Variants in PDS5B observed in about 807,000 individuals in gnomAD.
The protein encoded by PDS5B is sister chromatid cohesion protein PDS5 homolog B.
Under a neutral mutation model 184.1 loss-of-function variants are expected in PDS5B, and 51 were observed. The observed-to-expected ratio is 0.28, with a 90% CI of 0.22 to 0.35. The LOEUF is 0.35. Among genes scored for constraint, PDS5B ranks in the 10% least tolerant of loss-of-function variants. The probability of loss-of-function intolerance (pLI) is 1.00; values close to 1 mark genes in which losing one functional copy is unlikely to be tolerated. For synonymous variants in PDS5B, 566 were observed against 569.2 expected (o/e 0.99, Z 0.08); for missense variants, 1,180 against 1,723.3 (o/e 0.68, Z 5.58).
intron 1 of PDS5B, among the ~76,000 whole-genome samples, chr13:32,630,273 G>A (rs1439350750): frequency 1.3e-5 from 2 of 152,286 alleles, no homozygotes; most frequent in African/African-American, 2.4e-5. Context: ...TTCCTATGTG[G>A]AATCTGAGTG....
chr13:32,731,977 G>T, intron 19 of PDS5B, 124 bp from the exon 20 acceptor site: 1 of 689,200 alleles, frequency 1.5e-6, no homozygotes. Flanking sequence ...GTGAGTTTGA[G>T]TAAATCTTGG....
At chr13:32,594,834 G>A (rs910305029) in intron 1 of PDS5B, among the ~76,000 whole-genome samples, 5 of 152,158 alleles carry the variant, frequency 3.3e-5, no homozygotes, top group Non-Finnish European at 5.9e-5. Context: ...AGAGCCTGAT[G>A]TCTGTATGAA....
intron 2 of PDS5B, chr13:32,649,139 A>G: frequency 3.0e-6 from 1 of 336,222 alleles, no homozygotes; most frequent in Non-Finnish European, 5.4e-6. Flanking sequence ...AGTCTACAAT[A>G]CTCATATTCC....
intron 1 of PDS5B, among the ~76,000 whole-genome samples, chr13:32,610,812 T>G (rs1412552901): frequency 6.6e-6 from 1 of 152,148 alleles, no homozygotes; most frequent in South Asian, 2.1e-4. Flanking sequence ...GAGTTCTTGG[T>G]GAGGATGAAA....
chr13:32,649,519 G>C (rs1950314912), intron 2 of PDS5B: 1 of 152,102 alleles, frequency 6.6e-6, no homozygotes, highest in Non-Finnish European at 1.5e-5. Flanking sequence ...CTTTATTTTT[G>C]AGCATTTCCG....
intron 34 of PDS5B, among the ~76,000 whole-genome samples, chr13:32,774,263 G>C (rs765903947): frequency 2.6e-5 from 4 of 152,166 alleles, no homozygotes; most frequent in African/African-American, 4.8e-5. Context: ...GGTCTCTGCT[G>C]TTCTGTCCTG....
intron 1 of PDS5B, among the ~76,000 whole-genome samples, chr13:32,588,426 T>C (rs2057724690): frequency 6.6e-6 from 1 of 152,260 alleles, no homozygotes; most frequent in Non-Finnish European, 1.5e-5. Flanking sequence ...TTAGACTTTA[T>C]AAAAATTACC....
intron 6 of PDS5B, among the ~76,000 whole-genome samples, chr13:32,665,588 C>CAAAA (rs34604938): frequency 0.06 from 1,557 of 25,852 alleles, 330 homozygotes; most frequent in Middle Eastern, 0.091. Flanking sequence ...GACTCCGACT[C>CAAAA]AAAAAAAAAA....
intron 21 of PDS5B, among the ~76,000 whole-genome samples, chr13:32,737,063 C>G (rs1050672011): frequency 6.6e-6 from 1 of 152,114 alleles, no homozygotes; most frequent in Non-Finnish European, 1.5e-5. Flanking sequence ...TCATCTTGAT[C>G]TCTTGTAACT....
At chr13:32,675,687 A>G (rs1161880846) in intron 8 of PDS5B, among the ~76,000 whole-genome samples, 157 bp from the exon 9 acceptor site, 2 of 152,208 alleles carry the variant, frequency 1.3e-5, no homozygotes, top group East Asian at 1.9e-4. Flanking sequence ...TAATTTTGTG[A>G]AAAGTATAGT....
At chr13:32,735,047 A>G (rs1326290452) in intron 20 of PDS5B, 125 bp from the exon 21 acceptor site, 7 of 542,024 alleles carry the variant, frequency 1.3e-5, no homozygotes, top group African/African-American at 2.0e-5. Context: ...AAATTTTTGT[A>G]GTTTTTATAA....
chr13:32,686,047 A>G (rs990573128), intron 11 of PDS5B, among the ~76,000 whole-genome samples: 1 of 152,230 alleles, frequency 6.6e-6, no homozygotes, highest in Admixed American at 6.5e-5. Context: ...AGAAAAACCA[A>G]GGAATAATTT....
chr13:32,719,228 A>G (rs1380440290), intron 19 of PDS5B, among the ~76,000 whole-genome samples: 1 of 152,054 alleles, frequency 6.6e-6, no homozygotes, highest in Non-Finnish European at 1.5e-5. Flanking sequence ...TGTTACCTAG[A>G]CTGGAGTGCA....
rs147156262 is a variant in PDS5B at position 32,595,116 on chromosome 13, T to C, written c.-20+8523T>C. ...TATCCCAAACTGATCTACCTTCTCT[T>C]ACTCTTTAACATCTTTCCAACTTGT... is the stretch of plus-strand genomic sequence containing the variant. On this transcript the variant is annotated intron_variant, in intron 1 of 34. Transcript: ENST00000315596. 6.4e-3 allele frequency among the ~76,000 whole-genome samples: 968 copies of C among 152,254 alleles called. 5 individuals are homozygous for C. Among genetic ancestry groups the C allele is most frequent in the Middle Eastern group, 0.017 (5 of 294 alleles).
At chr13:32,632,020 GA>G (rs2058463993) in intron 1 of PDS5B, among the ~76,000 whole-genome samples, 1 of 152,134 alleles carries the variant, frequency 6.6e-6, no homozygotes, top group Non-Finnish European at 1.5e-5. Flanking sequence ...ACATGCAAAA[GA>G]ATTAAGTTGG....
At chr13:32,586,712 C>T (rs1385642598) in intron 1 of PDS5B, 119 bp downstream of exon 1, 1 of 150,142 alleles carries the variant, frequency 6.7e-6, no homozygotes, top group Admixed American at 6.6e-5. Context: ...GAAGCGCCGC[C>T]CGCCTGGGTG....
At chr13:32,659,732 T>C (rs1053121298) in intron 6 of PDS5B, among the ~76,000 whole-genome samples, 2 of 152,208 alleles carry the variant, frequency 1.3e-5, no homozygotes, top group Admixed American at 6.5e-5. Flanking sequence ...TAAGATGTTA[T>C]GTTTGTATGT....
rs1566438481 is a variant in PDS5B, at chr13:32,775,144, T to A, written c.*92T>A. 2.8e-6 allele frequency: 3 copies of A among 1,089,184 alleles called. No individual in the cohort carries two copies. The highest frequency in any genetic ancestry group is 4.0e-6 in the Non-Finnish European group (3 of 748,562). 67.5% of individuals were successfully genotyped at this position (1,089,184 alleles called of 1,614,324 possible). A position where few individuals can be genotyped will look rare whatever the true frequency, so the allele number is the denominator to read the frequency against. On this transcript the variant is annotated 3_prime_UTR_variant, in exon 35 of 35. Transcript: ENST00000315596. ...GCTTGAGGCTGAATAAAGCCTTTGA[T>A]GCACAAAATGGGACTGCTGAAGAGT... is the stretch of plus-strand genomic sequence containing the variant.
At chr13:32,646,369 G>GTTTTTTTTTTT (rs58539534) in intron 1 of PDS5B, among the ~76,000 whole-genome samples, 3 of 106,068 alleles carry the variant, frequency 2.8e-5, no homozygotes, top group African/African-American at 1.2e-4. Context: ...TCATGGCTGT[G>GTTTTTTTTTTT]TTTTTTTTTT....
Sources: allele counts gnomAD v4.1 joint callset (sites outside exome capture counted in the v4.1 genomes callset), GRCh38; gene constraint gnomAD v4.1.1; transcripts MANE v1.5; gene names NCBI Gene and HGNC (gene_info 2026-07-23, HGNC 2026-07-21).